KLF3: variants seen among roughly 807,000 people sequenced by gnomAD.
The protein encoded by KLF3 is KLF transcription factor 3, also known as Krueppel-like factor 3.
Under a neutral mutation model 32.7 loss-of-function variants are expected in KLF3, and 6 were observed. The observed-to-expected ratio is 0.18, with a 90% CI of 0.10 to 0.36. KLF3 has a LOEUF of 0.36. Among genes scored for constraint, KLF3 ranks in the 10% least tolerant of loss-of-function variants. KLF3 has a pLI of 1.00. For missense variants in KLF3, 338 were observed against 449.7 expected (o/e 0.75, Z 2.25); for synonymous variants, 145 against 172.8 (o/e 0.84, Z 1.26).
intron 1 of KLF3, among the ~76,000 whole-genome samples, chr4:38,678,434 A>G (rs1016975227): frequency 1.8e-4 from 28 of 152,218 alleles, no homozygotes; most frequent in African/African-American, 6.0e-4. Flanking sequence ...GCTGGAATAC[A>G]TAAGAGGGTA....
intron 1 of KLF3, among the ~76,000 whole-genome samples, chr4:38,665,437 A>T (rs1722002076): frequency 6.6e-6 from 1 of 152,220 alleles, no homozygotes; most frequent in Non-Finnish European, 1.5e-5. Flanking sequence ...AGCTACTGAC[A>T]AGGAGAAGCA....
chr4:38,690,154 G>GT (rs775264127), intron 4 of KLF3: 42 of 380,798 alleles, frequency 1.1e-4, no homozygotes, highest in South Asian at 4.8e-4. Flanking sequence ...AATTATTTTT[G>GT]TTTTTTTTCC....
intron 1 of KLF3, among the ~76,000 whole-genome samples, chr4:38,677,523 C>G (rs1260292458): frequency 6.6e-6 from 1 of 152,186 alleles, no homozygotes; most frequent in Non-Finnish European, 1.5e-5. Flanking sequence ...CAGAGCCCAT[C>G]ATCTTAATTT....
At chr4:38,680,189 A>G (rs1215658965) in intron 1 of KLF3, among the ~76,000 whole-genome samples, 1 of 151,888 alleles carries the variant, frequency 6.6e-6, no homozygotes, top group African/African-American at 2.4e-5. Flanking sequence ...GGGGTGAGGT[A>G]TTATATTTCA....
At position 38,688,542 on chromosome 4, in the gene KLF3, A is replaced by C; in HGVS notation, c.58-43A>C. 1 of 1,529,060 alleles carries C rather than the reference A, an allele frequency of 6.5e-7. No individual in the cohort carries two copies. The highest frequency in any genetic ancestry group is 1.8e-4 in the Middle Eastern group (1 of 5,460). 94.7% of individuals were successfully genotyped at this position (1,529,060 alleles called of 1,614,324 possible). The stretch of plus-strand genomic sequence containing the variant: ...CTTAATTCATGTTTCAAGTAAATGG[A>C]CTTATTTGGCTGTTGACACGTTTTC... On this transcript the variant is annotated intron_variant, in intron 2 of 5. Coordinates refer to ENST00000261438, the MANE Select transcript of KLF3 (RefSeq NM_016531.6). The surrounding 1 kb of genome is among the most constrained non-coding windows in gnomAD (Gnocchi z 4.9).
At chr4:38,679,966 C>G (rs528327568) in intron 1 of KLF3, among the ~76,000 whole-genome samples, 1 of 152,092 alleles carries the variant, frequency 6.6e-6, no homozygotes, top group Non-Finnish European at 1.5e-5. Flanking sequence ...AAGAGTTGCA[C>G]GGCAATCCCA....
In KLF3 at chr4:38,697,324, C is replaced by A; in HGVS notation, c.*61C>A. The A allele has an allele frequency of 7.2e-7, 1 of 1,381,676 alleles. No individual in the cohort carries two copies. Among genetic ancestry groups the A allele is most frequent in the Non-Finnish European group, 9.9e-7 (1 of 1,011,150 alleles). The allele number at this position is 1,381,676 out of a possible 1,614,324, so 85.6% of individuals were successfully genotyped here. A position where few individuals can be genotyped will look rare whatever the true frequency, so the allele number is the denominator to read the frequency against. On this transcript the variant is annotated 3_prime_UTR_variant, in exon 6 of 6. Coordinates refer to ENST00000261438, the MANE Select transcript of KLF3 (RefSeq NM_016531.6). ...TCACCTGGCTCTCTCTCTGTCCTGC[C>A]TCCCATTATCTAACACATTTTTTAC... is the stretch of plus-strand genomic sequence containing the variant.
At chr4:38,680,826 G>A in intron 2 of KLF3, 144 bp downstream of exon 2, 9 of 598,044 alleles carry the variant, frequency 1.5e-5, no homozygotes, top group South Asian at 1.3e-4. Flanking sequence ...CGAGGCGGGA[G>A]GATCACCTGA....
chr4:38,667,672 A>G (rs1406069269), intron 1 of KLF3, among the ~76,000 whole-genome samples: 2 of 152,248 alleles, frequency 1.3e-5, no homozygotes, highest in Non-Finnish European at 2.9e-5. Context: ...TTGTTTTAAG[A>G]TAGGCATTTT....
chr4:38,665,062 A>G (rs910588162), intron 1 of KLF3, among the ~76,000 whole-genome samples: 3 of 149,466 alleles, frequency 2.0e-5, no homozygotes, highest in African/African-American at 7.4e-5. Flanking sequence ...AACTTGGAGC[A>G]GTCTCCCGGC....
intron 1 of KLF3, among the ~76,000 whole-genome samples, chr4:38,667,632 G>T (rs1251464734): frequency 6.6e-6 from 1 of 152,232 alleles, no homozygotes; most frequent in Non-Finnish European, 1.5e-5. Flanking sequence ...GTATTTGTTT[G>T]TAATTCTTGT....
Position 38,698,418 on chromosome 4 carries a change from G to C in KLF3, c.*1155G>C, listed in dbSNP as rs1355719474. On this transcript the variant is annotated 3_prime_UTR_variant, in exon 6 of 6. Transcript: ENST00000261438. ...TAAGGTGCCAAATTGGCTGTCATTT[G>C]TATTCATGACACATACCATAAAGCA... The C allele has an allele frequency of 6.6e-6, 1 of 152,588 alleles. No individual in the cohort carries two copies. The highest frequency in any genetic ancestry group is 2.4e-5 in the African/African-American group (1 of 41,438). 9.5% of individuals were successfully genotyped at this position (152,588 alleles called of 1,614,324 possible). A position where few individuals can be genotyped will look rare whatever the true frequency, so the allele number is the denominator to read the frequency against.
chr4:38,665,071 G>GC (rs1269802989), intron 1 of KLF3, among the ~76,000 whole-genome samples: 1 of 151,580 alleles, frequency 6.6e-6, no homozygotes, highest in African/African-American at 2.4e-5. Flanking sequence ...CAGTCTCCCG[G>GC]CCCTCTGGAA....
At position 38,671,684 on chromosome 4, in the gene KLF3, T is replaced by TTACTTGAC. The variant is rs1389585742; in HGVS notation, c.-40+7223_-40+7224insTACTTGAC. Among the ~76,000 whole-genome samples the TTACTTGAC allele has an allele frequency of 6.6e-6, 1 of 152,164 alleles. No individual in the cohort carries two copies. Among genetic ancestry groups the TTACTTGAC allele is most frequent in the African/African-American group, 2.4e-5 (1 of 41,430 alleles). ...CTGGCTCTACGAGTTAGCAGCTGTG[T>TTACTTGAC]GATGTTAGGCAGGTTACTTGACCTC... On this transcript the variant is annotated intron_variant, in intron 1 of 5. Transcript: ENST00000261438. The surrounding 1 kb of genome is among the most constrained non-coding windows in gnomAD (Gnocchi z 4.4).
intron 1 of KLF3, among the ~76,000 whole-genome samples, chr4:38,678,202 T>G (rs1722408411): frequency 6.6e-6 from 1 of 151,936 alleles, no homozygotes; most frequent in Non-Finnish European, 1.5e-5. Flanking sequence ...CAGCCGTGAG[T>G]CAGGGCTGCT....
At chr4:38,665,630 T>C (rs1722008334) in intron 1 of KLF3, among the ~76,000 whole-genome samples, 1 of 152,222 alleles carries the variant, frequency 6.6e-6, no homozygotes, top group African/African-American at 2.4e-5. Flanking sequence ...TCCATTAATA[T>C]CACCCAAGAC....
chr4:38,683,830 A>G (rs1722607481), intron 2 of KLF3, among the ~76,000 whole-genome samples: 1 of 152,238 alleles, frequency 6.6e-6, no homozygotes, highest in African/African-American at 2.4e-5. Context: ...GACTCCTTAT[A>G]GATAGGAAAG....
At position 38,698,369 on chromosome 4, in the gene KLF3, A is replaced by C. The variant is rs1443407288; in HGVS notation, c.*1106A>C. The C allele has an allele frequency of 6.6e-6, 1 of 152,638 alleles. No individual in the cohort carries two copies. The highest frequency in any genetic ancestry group is 1.5e-5 in the Non-Finnish European group (1 of 68,034). 9.5% of individuals were successfully genotyped at this position (152,638 alleles called of 1,614,324 possible). ...CAAATTAATCACATAGCTTTTATAC[A>C]GAAACTCTTCCTGTGTGAGCTGTTA... On this transcript the variant is annotated 3_prime_UTR_variant, in exon 6 of 6. Coordinates refer to ENST00000261438, the MANE Select transcript of KLF3 (RefSeq NM_016531.6).
rs1015415298 is a variant in KLF3 at position 38,699,623 on chromosome 4, TTTG to T, written c.*2363_*2365del. 1 of 152,224 alleles carries T rather than the reference TTTG, an allele frequency of 6.6e-6. No homozygotes were observed. Among genetic ancestry groups the T allele is most frequent in the African/African-American group, 2.4e-5 (1 of 41,436 alleles). The allele number at this position is 152,224 out of a possible 1,614,324, so 9.4% of individuals were successfully genotyped here. A position where few individuals can be genotyped will look rare whatever the true frequency, so the allele number is the denominator to read the frequency against. On this transcript the variant is annotated 3_prime_UTR_variant, in exon 6 of 6. Coordinates refer to ENST00000261438, the MANE Select transcript of KLF3 (RefSeq NM_016531.6). ...TGCATTTGCTGTGGCATATTTAAAT[TTTG>T]TTCAAAAGATTTGAAGCAAGACCTT...
Sources: allele counts gnomAD v4.1 joint callset (sites outside exome capture counted in the v4.1 genomes callset), GRCh38; gene constraint gnomAD v4.1.1; non-coding constraint Gnocchi (gnomAD v3.1); transcripts MANE v1.5; gene names NCBI Gene and HGNC (gene_info 2026-07-23, HGNC 2026-07-21).